The following PLAGL1 variants were observed in gnomAD, a reference collection of about 807,000 sequenced individuals.
The protein encoded by PLAGL1 is PLAG1 like zinc finger 1.
A neutral mutation model predicts 4.6 loss-of-function variants in PLAGL1; 1 was observed. The ratio of observed to expected loss-of-function variants is 0.22; its 90% CI spans 0.08 to 1.03. PLAGL1 has a LOEUF of 1.03. Ranked by LOEUF, PLAGL1 falls within the 50% of genes least tolerant of loss-of-function variation. The pLI is 0.58. For missense variants in PLAGL1, 464 were observed against 570.4 expected, an observed-to-expected ratio of 0.81 and a Z score of 1.90; for synonymous variants, 240 against 237.8, an observed-to-expected ratio of 1.01 and a Z score of -0.08.
chr6:143,956,277 A>C (rs2128544537), intron 6 of PLAGL1, among the ~76,000 whole-genome samples: 1 of 152,294 alleles, frequency 6.6e-6, no homozygotes, highest in South Asian at 2.1e-4. Flanking sequence ...GGCAGGCTGC[A>C]GCTAGACTGA....
intron 1 of PLAGL1, among the ~76,000 whole-genome samples, chr6:144,054,734 CA>C (rs1798823116): frequency 6.6e-6 from 1 of 150,678 alleles, no homozygotes; most frequent in Non-Finnish European, 1.5e-5. Flanking sequence ...ACGTTGTACC[CA>C]TGTATCCCGG....
chr6:143,984,332 G>A lies in PLAGL1; in HGVS notation c.-544+803C>T, dbSNP rs555652766. ...TTTGGTGAGGTAGGGGTTGTATGGT[G>A]AAATATGCTGGAGAAACACCACAGA... On this transcript the variant is annotated intron_variant, in intron 2 of 7. Transcript: ENST00000674357. The surrounding 1 kb of genome is among the most constrained non-coding windows in gnomAD (Gnocchi z 5.5). 5.9e-5 allele frequency among the ~76,000 whole-genome samples: 9 copies of A among 152,278 alleles called. No homozygotes were observed. The highest frequency in any genetic ancestry group is 2.2e-4 in the African/African-American group (9 of 41,570).
intron 1 of PLAGL1, among the ~76,000 whole-genome samples, chr6:143,999,687 A>T (rs545864187): frequency 1.3e-5 from 2 of 152,328 alleles, no homozygotes; most frequent in East Asian, 3.9e-4. Context: ...TCACTTTATG[A>T]CTCATGAATA....
intron 1 of PLAGL1, among the ~76,000 whole-genome samples, chr6:143,986,010 ATC>A (rs1789065189): frequency 7.5e-6 from 1 of 133,466 alleles, no homozygotes; most frequent in African/African-American, 2.7e-5. Context: ...ATATATATAT[ATC>A]ATTTAATCCT....
At chr6:143,988,002 A>G (rs1039504905) in intron 1 of PLAGL1, among the ~76,000 whole-genome samples, 2 of 152,230 alleles carry the variant, frequency 1.3e-5, no homozygotes, top group Non-Finnish European at 2.9e-5. Flanking sequence ...GTTTATTTAG[A>G]ATAACCTTTC....
At position 144,053,174 on chromosome 6, in the gene PLAGL1, G is replaced by A. The variant is rs995363461; in HGVS notation, c.-151+11294C>T. On this transcript the variant is annotated intron_variant, in intron 1 of 3. Coordinates refer to the PLAGL1 transcript ENST00000437412. The surrounding 1 kb of genome is among the most constrained non-coding windows in gnomAD (Gnocchi z 4.0). ...TTTTTTGAAATGGTCTCACTCTGTC[G>A]CCCAGGCTGGAGTGCAGTGGCGCAA... 3.9e-5 allele frequency among the ~76,000 whole-genome samples: 6 copies of A among 152,126 alleles called. 1 individual carries two copies. In the South Asian group the frequency reaches 6.2e-4, roughly 16 times the overall value.
Position 144,006,235 on chromosome 6 carries a change from A to G in PLAGL1, c.-584+1855T>C, listed in dbSNP as rs1042715946. 20 of 152,170 alleles carry G rather than the reference A, an allele frequency of 1.3e-4. No individual in the cohort carries two copies. Among genetic ancestry groups the G allele is most frequent in the African/African-American group, 4.6e-4 (19 of 41,436 alleles). The allele number at this position is 152,170 out of a possible 1,614,324, so 9.4% of individuals were successfully genotyped here. ...TTTTTTTCTAAAAAGAAGCCAGGAA[A>G]TAAGAATAACAGACGGAGAGCCCTA... On this transcript the variant is annotated intron_variant, in intron 1 of 7. Coordinates refer to ENST00000674357, the MANE Select transcript of PLAGL1 (RefSeq NM_001317162.2). This position sits in a 1 kb window ranked among gnomAD's most constrained non-coding sequence, Gnocchi z 4.3.
chr6:144,062,372 G>A (rs9496848), intron 1 of PLAGL1, among the ~76,000 whole-genome samples: 6,649 of 135,086 alleles, frequency 0.049, 494 homozygotes, highest in African/African-American at 0.17. Flanking sequence ...GTGAGACTCC[G>A]TCTCAAACAA....
rs932473833 is a variant in PLAGL1, at chr6:143,978,971, G to T, written c.-544+6164C>A. On this transcript the variant is annotated intron_variant, in intron 2 of 7. Coordinates refer to ENST00000674357, the MANE Select transcript of PLAGL1 (RefSeq NM_001317162.2). The surrounding 1 kb of genome is among the most constrained non-coding windows in gnomAD (Gnocchi z 4.6). The stretch of plus-strand genomic sequence containing the variant: ...ATGTATACTGAAATTATTTTACTAG[G>T]TGCATAAACATTTAAGATCATTTAT... Among the ~76,000 whole-genome samples the T allele has an allele frequency of 6.6e-6, 1 of 152,014 alleles. No homozygotes were observed. Among genetic ancestry groups the T allele is most frequent in the Admixed American group, 6.6e-5 (1 of 15,260 alleles).
rs932272831 is a variant in PLAGL1 at position 144,059,900 on chromosome 6, C to A, written c.-151+4568G>T. On this transcript the variant is annotated intron_variant, in intron 1 of 3. Coordinates refer to the PLAGL1 transcript ENST00000437412. The surrounding 1 kb of genome is among the most constrained non-coding windows in gnomAD (Gnocchi z 4.9). ...GTACCTTTACTGTTTATTTCTCTGT[C>A]CCTAATGCCACTTCACTGTCCCCAG... 4.6e-5 allele frequency among the ~76,000 whole-genome samples: 7 copies of A among 152,228 alleles called. No homozygotes were observed. The South Asian group carries it at 1.5e-3, about 32-fold the overall frequency.
In PLAGL1 at chr6:143,997,312, C is replaced by T. The variant is rs994557898; in HGVS notation, c.-584+10778G>A. Among the ~76,000 whole-genome samples, 1 of 152,146 alleles carries T rather than the reference C, an allele frequency of 6.6e-6. No homozygotes were observed. Among genetic ancestry groups the T allele is most frequent in the Non-Finnish European group, 1.5e-5 (1 of 68,030 alleles). On this transcript the variant is annotated intron_variant, in intron 1 of 7. Transcript: ENST00000674357. The surrounding 1 kb of genome is among the most constrained non-coding windows in gnomAD (Gnocchi z 4.6). ...TTCCTTGGCAAAATACTGCAAATGTCCACCAAAAGACTTGTGAATGAGTAT... is the reference window on the plus strand; with the variant it reads ...TTCCTTGGCAAAATACTGCAAATGTTCACCAAAAGACTTGTGAATGAGTAT...
At chr6:144,011,782 T>C (rs532612051), upstream of PLAGL1, among the ~76,000 whole-genome samples, 1 of 152,290 alleles carries the variant, frequency 6.6e-6, no homozygotes, top group African/African-American at 2.4e-5. The surrounding 1 kb of genome is among the most constrained non-coding windows in gnomAD (Gnocchi z 4.3). Flanking sequence ...TGAGATTCCT[T>C]TAAGTCCTCT....
chr6:143,943,335 T>C (rs1184053347), intron 7 of PLAGL1, among the ~76,000 whole-genome samples: 2 of 152,184 alleles, frequency 1.3e-5, no homozygotes, highest in Non-Finnish European at 1.5e-5. Context: ...CAGAACCACA[T>C]AAAGCCCCAG....
intron 1 of PLAGL1, among the ~76,000 whole-genome samples, chr6:144,042,935 A>C (rs1194771793): frequency 2.0e-5 from 3 of 152,110 alleles, no homozygotes; most frequent in Non-Finnish European, 4.4e-5. Context: ...TTTTTGTAGC[A>C]ATTGTGAATG....
At position 143,983,969 on chromosome 6, in the gene PLAGL1, C is replaced by T. The variant is rs1788499624; in HGVS notation, c.-544+1166G>A. Among the ~76,000 whole-genome samples, 1 of 152,018 alleles carries T rather than the reference C, an allele frequency of 6.6e-6. No individual in the cohort carries two copies. The highest frequency in any genetic ancestry group is 2.4e-5 in the African/African-American group (1 of 41,396). ...TTAAGACTCTACGAAGCCTGAAAATCACCAAGAATTAGGACACATTAGTCT... is the reference window on the plus strand; with the variant it reads ...TTAAGACTCTACGAAGCCTGAAAATTACCAAGAATTAGGACACATTAGTCT... On this transcript the variant is annotated intron_variant, in intron 2 of 7. Coordinates refer to ENST00000674357, the MANE Select transcript of PLAGL1 (RefSeq NM_001317162.2). This position sits in a 1 kb window ranked among gnomAD's most constrained non-coding sequence, Gnocchi z 6.6.
In PLAGL1 at chr6:143,985,037, A is replaced by G. The variant is rs1562496232; in HGVS notation, c.-544+98T>C. 1 of 152,194 alleles carries G rather than the reference A, an allele frequency of 6.6e-6. No homozygotes were observed. Among genetic ancestry groups the G allele is most frequent in the African/African-American group, 2.4e-5 (1 of 41,466 alleles). The allele number at this position is 152,194 out of a possible 1,614,324, so 9.4% of individuals were successfully genotyped here. A position where few individuals can be genotyped will look rare whatever the true frequency, so the allele number is the denominator to read the frequency against. ...CCAAATAACAAAAAAGTTTTGCTCC[A>G]ATTTTTGCTCTAGGAGCTCTAAAAA... On this transcript the variant is annotated intron_variant, in intron 2 of 7. Coordinates refer to ENST00000674357, the MANE Select transcript of PLAGL1 (RefSeq NM_001317162.2). The surrounding 1 kb of genome is among the most constrained non-coding windows in gnomAD (Gnocchi z 4.4).
chr6:144,054,670 C>T lies in PLAGL1; in HGVS notation c.-151+9798G>A, dbSNP rs932964327. Among the ~76,000 whole-genome samples the T allele has an allele frequency of 2.1e-5, 3 of 145,158 alleles. No individual in the cohort carries two copies. The East Asian group carries it at 6.0e-4, about 29-fold the overall frequency. On this transcript the variant is annotated intron_variant, in intron 1 of 3. Transcript: ENST00000437412. ...CATGCAGGGCTTAAAACCTAGATGA[C>T]GGGTTGATAGTGCAGCAAACCATGG...
At chr6:144,002,791 C>G (rs905275030) in intron 1 of PLAGL1, among the ~76,000 whole-genome samples, 1 of 150,456 alleles carries the variant, frequency 6.6e-6, no homozygotes, top group Non-Finnish European at 1.5e-5. Context: ...AGAACTTATG[C>G]AATGAAGGGA....
chr6:144,050,186 A>C lies in PLAGL1; in HGVS notation c.-151+14282T>G, dbSNP rs1411009434. On this transcript the variant is annotated intron_variant, in intron 1 of 3. Transcript: ENST00000437412. This position sits in a 1 kb window ranked among gnomAD's most constrained non-coding sequence, Gnocchi z 4.3. The stretch of plus-strand genomic sequence containing the variant: ...GTTTTGAGGGAAATTGAGACCACCT[A>C]AGGGAACAAGAGATTCACATTGCCC... Among the ~76,000 whole-genome samples, 1 of 152,156 alleles carries C rather than the reference A, an allele frequency of 6.6e-6. No individual in the cohort carries two copies. The highest frequency in any genetic ancestry group is 1.5e-5 in the Non-Finnish European group (1 of 68,016).
Sources: allele counts gnomAD v4.1 joint callset (sites outside exome capture counted in the v4.1 genomes callset), GRCh38; gene constraint gnomAD v4.1.1; non-coding constraint Gnocchi (gnomAD v3.1); transcripts MANE v1.5; gene names NCBI Gene and HGNC (gene_info 2026-07-23, HGNC 2026-07-21).